Variants in AP5Z1 observed in about 807,000 individuals in gnomAD.
AP5Z1 encodes the protein adaptor related protein complex 5 subunit zeta 1, also known as AP-5 complex subunit zeta-1.
A neutral mutation model predicts 83.0 loss-of-function variants in AP5Z1; 106 were observed. The ratio of observed to expected loss-of-function variants is 1.28; its 90% CI spans 1.09 to 1.50. AP5Z1 has a LOEUF of 1.50. AP5Z1 is among the 40% of genes most tolerant of loss of function. The probability of loss-of-function intolerance (pLI) is 0.00; values close to 1 mark genes in which losing one functional copy is unlikely to be tolerated. For missense variants in AP5Z1, 1,565 were observed against 1,094.2 expected (o/e 1.43, Z -6.07); for synonymous variants, 751 against 514.1 (o/e 1.46, Z -6.23).
Position 4,790,573 on chromosome 7 carries a change from G to A in AP5Z1, c.1920G>A (p.Ala640=), listed in dbSNP as rs369767394. ...LGSVNGLCSR[A]SLVTSVVWAI... ...GCGTGAATGGTCTCTGCAGCAGGGC[G>A]AGCCTCGTCACCAGCGTGGTAAGGC... The change falls in exon 15 of 17, where the codon GCG becomes GCA. Residue 640 remains alanine (A), a synonymous_variant. Transcript: ENST00000649063. The A allele has an allele frequency of 7.6e-5, 123 of 1,613,024 alleles. No homozygotes were observed. The highest frequency in any genetic ancestry group is 4.4e-5 in the South Asian group (4 of 91,080).
Position 4,785,674 on chromosome 7 carries a change from C to T in AP5Z1, c.1122C>T (p.Phe374=), listed in dbSNP as rs748196496. 1 of 1,536,976 alleles carries T rather than the reference C, an allele frequency of 6.5e-7. No individual in the cohort carries two copies. The highest frequency in any genetic ancestry group is 8.8e-7 in the Non-Finnish European group (1 of 1,141,004). The change falls in exon 9 of 17, where the codon TTC becomes TTT. Residue 374 remains phenylalanine, a synonymous_variant. Coordinates refer to ENST00000649063, the MANE Select transcript of AP5Z1 (RefSeq NM_014855.3). ...VRVLLPLAHF[F]LSHGEAAAVD... ...TGCTGCTGCCCCTCGCCCACTTCTT[C>T]CTGAGCCACGGTGAGCCCAGGGTGG...
Position 4,778,175 on chromosome 7 carries a change from T to C in AP5Z1, c.41+2419T>C, listed in dbSNP as rs1781275532. Among the ~76,000 whole-genome samples, 2 of 152,138 alleles carry C rather than the reference T, an allele frequency of 1.3e-5. 1 individual carries two copies. The highest frequency in any genetic ancestry group is 4.1e-4 in the South Asian group (2 of 4,834). On this transcript the variant is annotated intron_variant, in intron 1 of 16. Transcript: ENST00000649063. ...AGGAGGTTGAGGCTGCGGTAAGCTA[T>C]GATGGTGCCACTGCACTCCAGCTCG...
At chr7:4,790,172 C>A (rs1420708440) in intron 14 of AP5Z1, 1 of 1,528,726 alleles carries the variant, frequency 6.5e-7, no homozygotes, top group Admixed American at 2.0e-5. Context: ...TAGCTCAGGT[C>A]CCTCTTCCCC....
intron 11 of AP5Z1, among the ~76,000 whole-genome samples, 173 bp downstream of exon 11, chr7:4,787,949 C>A (rs1781607546): frequency 6.6e-6 from 1 of 152,144 alleles, no homozygotes; most frequent in Non-Finnish European, 1.5e-5. Flanking sequence ...TGTCTGTCAC[C>A]CTTGGCCACT....
chr7:4,785,772 T>C, intron 9 of AP5Z1, 88 bp downstream of exon 9: 2 of 1,404,084 alleles, frequency 1.4e-6, no homozygotes, highest in South Asian at 1.6e-5. Flanking sequence ...TTTTTTTTTT[T>C]TTTTTTTTGA....
At chr7:4,783,214 A>C in intron 3 of AP5Z1, 102 bp from the exon 4 acceptor site, 1 of 1,448,268 alleles carries the variant, frequency 6.9e-7, no homozygotes, top group Non-Finnish European at 9.2e-7. Flanking sequence ...CCGGGGTCTC[A>C]GCGACCGACG....
At chr7:4,782,044 T>C (rs1781397144) in intron 3 of AP5Z1, among the ~76,000 whole-genome samples, 1 of 152,112 alleles carries the variant, frequency 6.6e-6, no homozygotes, top group African/African-American at 2.4e-5. Context: ...CCAGACCTTC[T>C]TTTTGGGGTT....
At chr7:4,790,127 G>A (rs552254430) in intron 14 of AP5Z1, 198 bp downstream of exon 14, 53 of 1,340,674 alleles carry the variant, frequency 4.0e-5, no homozygotes, top group African/African-American at 3.5e-4. Context: ...GAACATTCCC[G>A]TCCTTCTTTC....
chr7:4,790,178 TC>T, intron 14 of AP5Z1: 1 of 1,530,998 alleles, frequency 6.5e-7, no homozygotes, highest in Non-Finnish European at 8.7e-7. Flanking sequence ...AGGTCCCTCT[TC>T]CCCGTCTTGT....
rs770763321 is a variant in AP5Z1, at chr7:4,784,375, T to C, written c.790+4T>C. 7.1e-6 allele frequency: 10 copies of C among 1,405,166 alleles called. No individual in the cohort carries two copies. Among genetic ancestry groups the C allele is most frequent in the Non-Finnish European group, 7.6e-6 (8 of 1,052,348 alleles). The allele number at this position is 1,405,166 out of a possible 1,614,324, so 87.0% of individuals were successfully genotyped here. On this transcript the variant is annotated splice_donor_region_variant and intron_variant, in intron 6 of 16. Coordinates refer to ENST00000649063, the MANE Select transcript of AP5Z1 (RefSeq NM_014855.3). ...GGCCCGGGCACCCTGGACACAGGTG[T>C]GCGGGGTGGGGGGATGACGTCAGAC...
intron 3 of AP5Z1, among the ~76,000 whole-genome samples, chr7:4,782,540 C>G (rs1220221617): frequency 1.3e-5 from 2 of 152,178 alleles, no homozygotes; most frequent in Non-Finnish European, 2.9e-5. Context: ...TGCTGGGGTG[C>G]AGCCTGCGGT....
intron 1 of AP5Z1, among the ~76,000 whole-genome samples, chr7:4,777,570 G>A (rs1389689346): frequency 1.3e-5 from 2 of 151,986 alleles, no homozygotes; most frequent in South Asian, 2.1e-4. Context: ...TGTATCTTTA[G>A]TAGAGATGGG....
At position 4,791,100 on chromosome 7, in the gene AP5Z1, A is replaced by T. The variant is rs1781754226; in HGVS notation, c.2154-15A>T. Reference sequence around the variant, plus strand: ...GGGAGCATCTGCAGCTGACGGAGGGACCTTCTTTCCCCAGGGCCTCTTTAT... The same window carrying T: ...GGGAGCATCTGCAGCTGACGGAGGGTCCTTCTTTCCCCAGGGCCTCTTTAT... On this transcript the variant is annotated splice_polypyrimidine_tract_variant and intron_variant, in intron 16 of 16. Transcript: ENST00000649063. The T allele has an allele frequency of 5.8e-6, 9 of 1,565,050 alleles. No homozygotes were observed. Among genetic ancestry groups the T allele is most frequent in the Non-Finnish European group, 7.8e-6 (9 of 1,154,702 alleles).
intron 1 of AP5Z1, among the ~76,000 whole-genome samples, chr7:4,777,725 C>A (rs1312606895): frequency 6.6e-6 from 1 of 152,138 alleles, no homozygotes; most frequent in East Asian, 1.9e-4. Flanking sequence ...TCTCTGCCTC[C>A]CTGGCTCGGG....
At position 4,788,187 on chromosome 7, in the gene AP5Z1, G is replaced by C. The variant is rs1300212860; in HGVS notation, c.1488G>C (p.Trp496Cys). 6.4e-7 allele frequency: 1 copy of C among 1,559,232 alleles called. No individual in the cohort carries two copies. Among genetic ancestry groups the C allele is most frequent in the Non-Finnish European group, 8.7e-7 (1 of 1,152,668 alleles). The change falls in exon 12 of 17, where the codon TGG (tryptophan) becomes TGC (cysteine). Residue 496 changes from tryptophan to cysteine, a missense_variant. By Grantham distance (215) the Trp-to-Cys change is radical (BLOSUM62 -2). Transcript: ENST00000649063. Reference sequence around the variant, plus strand: ...CGGCTGCATCCGAGAGGCCACTCTGGGACACCTCTCTCAGGGCCCCCAGCT... The same window carrying C: ...CGGCTGCATCCGAGAGGCCACTCTGCGACACCTCTCTCAGGGCCCCCAGCT... ...SAPAASERPLWDTSLRAPSCL... is the reference protein window; with the variant it reads ...SAPAASERPLCDTSLRAPSCL...
At position 4,784,361 on chromosome 7, in the gene AP5Z1, C is replaced by A. The variant is rs377507553; in HGVS notation, c.780C>A (p.Thr260=). The change falls in exon 6 of 17, where the codon ACC becomes ACA. Residue 260 remains threonine (T), a synonymous_variant. Transcript: ENST00000649063. ...ACAGCGGCCCCGAGGGCCCGGGCAC[C>A]CTGGACACAGGTGTGCGGGGTGGGG... ...LLHSGPEGPG[T]LDTDDRSEQE... The A allele has an allele frequency of 7.8e-4, 1,246 of 1,597,018 alleles. 7 individuals are homozygous for A. The highest frequency in any genetic ancestry group is 7.6e-3 in the South Asian group (678 of 88,868).
rs2115111982 is a variant in AP5Z1 at position 4,785,067 on chromosome 7, G to C, written c.931+19G>C. ...AACCGACGTGAGTCCCCCACCCAGG[G>C]CACTGGCCTCCCCAGGGCTCGACGC... is the stretch of plus-strand genomic sequence containing the variant. On this transcript the variant is annotated intron_variant, in intron 7 of 16. Transcript: ENST00000649063. 1.3e-6 allele frequency: 2 copies of C among 1,580,722 alleles called. No individual in the cohort carries two copies. Among genetic ancestry groups the C allele is most frequent in the East Asian group, 2.3e-5 (1 of 44,390 alleles).
rs745607941 is a variant in AP5Z1 at position 4,784,932 on chromosome 7, C to G, written c.815C>G (p.Ser272Cys). 6.2e-6 allele frequency: 10 copies of G among 1,611,816 alleles called. No individual in the cohort carries two copies. The highest frequency in any genetic ancestry group is 8.5e-6 in the Non-Finnish European group (10 of 1,179,410). Residue 272 changes from serine to cysteine, a missense_variant, in exon 7 of 17, where the codon TCC becomes TGC. Ser to Cys is a moderately radical substitution (Grantham distance 112). Coordinates refer to ENST00000649063, the MANE Select transcript of AP5Z1 (RefSeq NM_014855.3). ...DTDDRSEQEGSTLSVISATSS... is the reference protein window; with the variant it reads ...DTDDRSEQEGCTLSVISATSS... ...GATGACAGGTCAGAGCAGGAGGGCT[C>G]CACTCTGTCGGTGATCTCCGCCACC...
chr7:4,777,035 A>G (rs1781247681), intron 1 of AP5Z1, among the ~76,000 whole-genome samples: 1 of 152,192 alleles, frequency 6.6e-6, no homozygotes, highest in South Asian at 2.1e-4. Context: ...TAAGTTCTAA[A>G]GCCCGAACAG....
Sources: allele counts gnomAD v4.1 joint callset (sites outside exome capture counted in the v4.1 genomes callset), GRCh38; gene constraint gnomAD v4.1.1; transcripts MANE v1.5; gene names NCBI Gene and HGNC (gene_info 2026-07-23, HGNC 2026-07-21).